Variants in EXOC5 observed in about 807,000 individuals in gnomAD.
The protein encoded by EXOC5 is SEC10-like 1.
EXOC5 carries 17 observed loss-of-function variants against 90.8 expected under a neutral mutation model. That is an observed-to-expected ratio of 0.19 (90% confidence interval 0.13 to 0.28). The LOEUF (loss-of-function observed/expected upper bound fraction) is 0.28, where lower values mean the gene tolerates loss of function less well. Among genes scored for constraint, EXOC5 ranks in the 10% least tolerant of loss-of-function variants. The probability of loss-of-function intolerance (pLI) is 1.00; values close to 1 mark genes in which losing one functional copy is unlikely to be tolerated. For missense variants in EXOC5, 569 were observed against 830.6 expected (o/e 0.69, Z 3.87); for synonymous variants, 260 against 270.0 (o/e 0.96, Z 0.36).
intron 15 of EXOC5, among the ~76,000 whole-genome samples, chr14:57,214,911 T>C (rs1416635341): frequency 6.6e-6 from 1 of 152,106 alleles, no homozygotes; most frequent in African/African-American, 2.4e-5. Context: ...CCAGATGGCC[T>C]TACTAGTGAA....
rs575112074 is a variant in EXOC5 at position 57,241,667 on chromosome 14, T to C, written c.466-2008A>G. On this transcript the variant is annotated intron_variant, in intron 4 of 17. Coordinates refer to ENST00000621441, the MANE Select transcript of EXOC5 (RefSeq NM_006544.4). ...CTCTTAAGGTTACAATATACAACAT[T>C]TAGTCAGTTAAAACATACTACAACA... Among the ~76,000 whole-genome samples the C allele has an allele frequency of 2.0e-5, 3 of 152,322 alleles. No homozygotes were observed. The East Asian group carries it at 5.8e-4, about 29-fold the overall frequency.
chr14:57,248,167 G>A (rs1052024735), intron 1 of EXOC5, among the ~76,000 whole-genome samples: 1 of 151,332 alleles, frequency 6.6e-6, no homozygotes, highest in Non-Finnish European at 1.5e-5. Flanking sequence ...AGTATTGTTA[G>A]AAATGTCAAC....
At chr14:57,262,667 AGT>A (rs1491208465) in intron 1 of EXOC5, among the ~76,000 whole-genome samples, 1 of 146,130 alleles carries the variant, frequency 6.8e-6, no homozygotes, top group Non-Finnish European at 1.5e-5. Flanking sequence ...TATATACATA[AGT>A]GTATATATAT....
chr14:57,238,631 T>C (rs982063175), intron 5 of EXOC5, among the ~76,000 whole-genome samples: 1 of 151,822 alleles, frequency 6.6e-6, no homozygotes, highest in African/African-American at 2.4e-5. Flanking sequence ...TAAATCATAA[T>C]GCTGGGCAAC....
At position 57,206,104 on chromosome 14, in the gene EXOC5, C is replaced by A; in HGVS notation, c.*2505G>T. 2.5e-6 allele frequency: 1 copy of A among 407,574 alleles called. No individual in the cohort carries two copies. The highest frequency in any genetic ancestry group is 1.8e-5 in the South Asian group (1 of 55,792). 25.2% of individuals were successfully genotyped at this position (407,574 alleles called of 1,614,324 possible). On this transcript the variant is annotated 3_prime_UTR_variant, in exon 18 of 18. Transcript: ENST00000621441. The stretch of plus-strand genomic sequence containing the variant: ...GCACAGTGTGTTAAGAGCATATTTT[C>A]AACTTCATTCAATGCATTACCTAAA...
At chr14:57,240,410 T>C (rs1301770506) in intron 4 of EXOC5, among the ~76,000 whole-genome samples, 1 of 152,026 alleles carries the variant, frequency 6.6e-6, no homozygotes, top group Non-Finnish European at 1.5e-5. Flanking sequence ...GCCTCCCGAG[T>C]AGCTGGGATT....
intron 11 of EXOC5, among the ~76,000 whole-genome samples, chr14:57,230,435 A>G (rs1198613152): frequency 2.0e-5 from 3 of 151,194 alleles, no homozygotes; most frequent in African/African-American, 7.4e-5. Flanking sequence ...ACACACACAC[A>G]CACACACACA....
intron 5 of EXOC5, among the ~76,000 whole-genome samples, chr14:57,238,647 G>A (rs1407778492): frequency 6.6e-6 from 1 of 151,708 alleles, no homozygotes; most frequent in Non-Finnish European, 1.5e-5. Context: ...GCAACTACCA[G>A]ATTATTATTA....
chr14:57,220,174 T>A (rs574544246), intron 13 of EXOC5, among the ~76,000 whole-genome samples: 127 of 152,056 alleles, frequency 8.4e-4, no homozygotes, highest in African/African-American at 3.0e-3. Flanking sequence ...TTTTTTCTCT[T>A]AATAATGGAA....
At chr14:57,246,045 G>C (rs1275275113) in intron 3 of EXOC5, among the ~76,000 whole-genome samples, 1 of 151,124 alleles carries the variant, frequency 6.6e-6, no homozygotes, top group Non-Finnish European at 1.5e-5. Flanking sequence ...GTAAAACTCT[G>C]TCTTAAAAAA....
At chr14:57,215,338 C>T (rs1882943369) in intron 15 of EXOC5, among the ~76,000 whole-genome samples, 1 of 151,466 alleles carries the variant, frequency 6.6e-6, no homozygotes, top group South Asian at 2.1e-4. Context: ...GACAGCATTA[C>T]AGTGATACCA....
chr14:57,221,899 G>T (rs956071419), intron 13 of EXOC5, among the ~76,000 whole-genome samples: 5 of 152,042 alleles, frequency 3.3e-5, no homozygotes, highest in African/African-American at 1.2e-4. Flanking sequence ...AAGACCAAAA[G>T]ACCAAAAGCA....
At chr14:57,230,424 A>AACACAC (rs141411059) in intron 11 of EXOC5, among the ~76,000 whole-genome samples, 10 of 92,250 alleles carry the variant, frequency 1.1e-4, no homozygotes, top group African/African-American at 7.0e-4. Context: ...GACTACCGTA[A>AACACAC]ACACACACAC....
At chr14:57,225,198 G>A (rs1225005404) in intron 12 of EXOC5, among the ~76,000 whole-genome samples, 2 of 152,104 alleles carry the variant, frequency 1.3e-5, no homozygotes, top group Non-Finnish European at 2.9e-5. Context: ...GTTTATCAAA[G>A]AAGAAATGCA....
intron 1 of EXOC5, among the ~76,000 whole-genome samples, chr14:57,259,422 C>G (rs1884437162): frequency 6.6e-6 from 1 of 152,100 alleles, no homozygotes; most frequent in Non-Finnish European, 1.5e-5. Context: ...TATATCTACC[C>G]TTTAGGGTTC....
chr14:57,234,806 C>T (rs936884253), intron 7 of EXOC5, among the ~76,000 whole-genome samples: 3 of 151,914 alleles, frequency 2.0e-5, no homozygotes, highest in African/African-American at 7.3e-5. Context: ...CTAAACTGAT[C>T]CACCCGCCTC....
intron 15 of EXOC5, among the ~76,000 whole-genome samples, 187 bp from the exon 16 acceptor site, chr14:57,210,248 G>A (rs1007448714): frequency 6.6e-6 from 1 of 152,058 alleles, no homozygotes; most frequent in Non-Finnish European, 1.5e-5. Context: ...AGAGCTCTTG[G>A]TTTTATTATC....
At chr14:57,265,168 T>C (rs907056869) in intron 1 of EXOC5, among the ~76,000 whole-genome samples, 2 of 151,830 alleles carry the variant, frequency 1.3e-5, no homozygotes, top group African/African-American at 4.8e-5. Context: ...CTCATAGGAT[T>C]AATATTTCTA....
intron 1 of EXOC5, among the ~76,000 whole-genome samples, chr14:57,254,969 C>CT (rs1884307084): frequency 6.6e-6 from 1 of 152,162 alleles, no homozygotes; most frequent in South Asian, 2.1e-4. Context: ...CCTGAGCTGA[C>CT]TAAGACAGAC....
Sources: gnomAD v4.1 joint callset for allele counts (sites outside exome capture counted in the v4.1 genomes callset) on GRCh38, gnomAD v4.1.1 for gene constraint, MANE v1.5 for transcripts, NCBI Gene and HGNC (gene_info 2026-07-23, HGNC 2026-07-21) for gene names.